The following AGBL5 variants were observed in gnomAD, a reference collection of about 807,000 sequenced individuals.
AGBL5 encodes the protein cytosolic carboxypeptidase-like protein 5.
A neutral mutation model predicts 88.0 loss-of-function variants in AGBL5; 51 were observed. The observed-to-expected ratio is 0.58, with a 90% confidence interval of 0.46 to 0.73. The LOEUF is 0.73. Among genes scored for constraint, AGBL5 ranks in the 30% least tolerant of loss-of-function variants. AGBL5 has a pLI of 0.00. For missense variants in AGBL5, 1,031 were observed against 1,162.2 expected (o/e 0.89, Z 1.64); for synonymous variants, 446 against 438.8 (o/e 1.02, Z -0.21).
Position 27,056,755 on chromosome 2 carries a change from C to T in AGBL5, c.1498C>T (p.Arg500Cys), listed in dbSNP as rs1299838441. The change falls in exon 8 of 15, where the codon CGT becomes TGT. Residue 500 changes from arginine (R) to cysteine (C), a missense_variant. Coordinates refer to ENST00000360131, the MANE Select transcript of AGBL5 (RefSeq NM_021831.6). ...TGGCCAGTCTAAAGAGGGAAGCGGCCGTGTTGCAATCTACAAAGCCTCAGG... is the reference window on the plus strand; with the variant it reads ...TGGCCAGTCTAAAGAGGGAAGCGGCTGTGTTGCAATCTACAAAGCCTCAGG... ...RDGQSKEGSG[R>C]VAIYKASGII... 2 of 1,612,868 alleles carry T rather than the reference C, an allele frequency of 1.2e-6. No individual in the cohort carries two copies. The highest frequency in any genetic ancestry group is 1.7e-6 in the Non-Finnish European group (2 of 1,179,210).
At chr2:27,069,963 G>A in intron 14 of AGBL5, 129 bp from the exon 15 acceptor site, 4 of 1,513,006 alleles carry the variant, frequency 2.6e-6, no homozygotes, top group Non-Finnish European at 2.7e-6. Flanking sequence ...CCACTGTGCA[G>A]TAACCAACTT....
Position 27,055,066 on chromosome 2 carries a change from C to T in AGBL5, c.730-9C>T. 1 of 1,613,142 alleles carries T rather than the reference C, an allele frequency of 6.2e-7. No individual in the cohort carries two copies. Among genetic ancestry groups the T allele is most frequent in the South Asian group, 1.1e-5 (1 of 91,046 alleles). On this transcript the variant is annotated splice_polypyrimidine_tract_variant and intron_variant, in intron 5 of 14. Coordinates refer to ENST00000360131, the MANE Select transcript of AGBL5 (RefSeq NM_021831.6). ...ACTGACTTAATGTCTGCTCTCCTCT[C>T]TACCTCAGATATTCTTCTTAAGCAG...
In AGBL5 at chr2:27,056,103, A is replaced by G. The variant is rs1340046575; in HGVS notation, c.1330A>G (p.Met444Val). The part of the protein sequence containing the change: ...HGHASKRGCF[M>V]YGNSFSDEST... ...ACATGCTTCCAAAAGGGGCTGCTTCATGTACGGAAACAGCTTTAGTGATGA... is the reference window on the plus strand; with the variant it reads ...ACATGCTTCCAAAAGGGGCTGCTTCGTGTACGGAAACAGCTTTAGTGATGA... Residue 444 changes from methionine (M) to valine (V), a missense_variant, in exon 7 of 15, where the codon ATG (methionine) becomes GTG (valine). Coordinates refer to ENST00000360131, the MANE Select transcript of AGBL5 (RefSeq NM_021831.6). 3 of 1,613,818 alleles carry G rather than the reference A, an allele frequency of 1.9e-6. No homozygotes were observed. Among genetic ancestry groups the G allele is most frequent in the Middle Eastern group, 1.6e-4 (1 of 6,062 alleles).
Position 27,068,700 on chromosome 2 carries a change from C to T in AGBL5, c.2311C>T (p.Leu771=), listed in dbSNP as rs1406893687. The T allele has an allele frequency of 1.1e-5, 18 of 1,614,160 alleles. No homozygotes were observed. Among genetic ancestry groups the T allele is most frequent in the Non-Finnish European group, 1.5e-5 (18 of 1,180,030 alleles). The change falls in exon 13 of 15, where the codon CTA becomes TTA. Residue 771 remains leucine, a synonymous_variant. Transcript: ENST00000360131. ...TGTCATGGTAATCGGGAAAGGTCTG[C>T]TAGGGACTGGAGCTCGGATGCCCTG... ...EAVMVIGKGL[L]GTGARMPCIK... is the part of the protein sequence containing the mutation.
chr2:27,066,136 G>A lies in AGBL5; in HGVS notation c.2090-1358G>A, dbSNP rs571350170. 7.6e-4 allele frequency among the ~76,000 whole-genome samples: 113 copies of A among 149,560 alleles called. 1 individual carries two copies. The highest frequency in any genetic ancestry group is 7.0e-3 in the Middle Eastern group (2 of 286). ...TAGCTGGGCTTGGTGGCGTGTGCCT[G>A]TTGTCCCAGCTACTTGGGATGCAGG... On this transcript the variant is annotated intron_variant, in intron 11 of 14. Transcript: ENST00000360131.
At chr2:27,062,677 C>G (rs1668772586) in intron 11 of AGBL5, 1 of 152,178 alleles carries the variant, frequency 6.6e-6, no homozygotes, top group African/African-American at 2.4e-5. Flanking sequence ...GTTTGGGGAA[C>G]TACTGTGGTG....
At chr2:27,067,921 A>G (rs894612818) in intron 12 of AGBL5, 3 of 492,406 alleles carry the variant, frequency 6.1e-6, no homozygotes, top group Non-Finnish European at 1.1e-5. Context: ...ACTTTTGTCT[A>G]CCTGCAAAAT....
intron 13 of AGBL5, chr2:27,069,075 AG>A (rs1307202458): frequency 1.0e-5 from 14 of 1,354,810 alleles, no homozygotes; most frequent in Admixed American, 2.2e-5. Flanking sequence ...TTCCGCCAGG[AG>A]GGGTCCCGGA....
At position 27,069,663 on chromosome 2, in the gene AGBL5, G is replaced by T; in HGVS notation, c.2446G>T (p.Glu816Ter). The change falls in exon 14 of 15, where the codon GAG (glutamate) becomes TAG (stop). Residue 816 changes from glutamate to a stop codon, truncating the protein, a stop_gained. Transcript: ENST00000360131. LOFTEE classifies it high-confidence loss of function. ...CACATCCCCTACCCCCCGGACCAGG[G>T]AGAGCAGTGAGCTGGAGCTGGGATC... ...GPTSPTPRTR[E>*]SSELELGSCS... is the part of the protein sequence containing the mutation. The T allele has an allele frequency of 6.2e-7, 1 of 1,614,138 alleles. No homozygotes were observed. The highest frequency in any genetic ancestry group is 8.5e-7 in the Non-Finnish European group (1 of 1,179,974).
At chr2:27,066,503 G>A (rs974989236) in intron 11 of AGBL5, among the ~76,000 whole-genome samples, 1 of 152,156 alleles carries the variant, frequency 6.6e-6, no homozygotes, top group Non-Finnish European at 1.5e-5. Context: ...GAGTTTAAGA[G>A]TAAGTAGAGC....
intron 13 of AGBL5, 188 bp downstream of exon 13, chr2:27,068,932 A>G (rs1187274142): frequency 6.7e-7 from 1 of 1,496,814 alleles, no homozygotes; most frequent in East Asian, 2.5e-5. Flanking sequence ...CATCCCCATC[A>G]GCCAGGTCAT....
At position 27,068,751 on chromosome 2, in the gene AGBL5, T is replaced by G; in HGVS notation, c.2355+7T>G. ...CATCAAGACTCGATTGCAGGTAATA[T>G]TTTTGGGTCTCCAGCATAGCTACTC... On this transcript the variant is annotated splice_region_variant and intron_variant, in intron 13 of 14. Coordinates refer to ENST00000360131, the MANE Select transcript of AGBL5 (RefSeq NM_021831.6). 1 of 1,613,620 alleles carries G rather than the reference T, an allele frequency of 6.2e-7. No individual in the cohort carries two copies. Among genetic ancestry groups the G allele is most frequent in the Non-Finnish European group, 8.5e-7 (1 of 1,179,836 alleles).
In AGBL5 at chr2:27,070,093, C is replaced by G; in HGVS notation, c.2491C>G (p.Leu831Val). 1 of 1,609,734 alleles carries G rather than the reference C, an allele frequency of 6.2e-7. No homozygotes were observed. The highest frequency in any genetic ancestry group is 8.5e-7 in the Non-Finnish European group (1 of 1,176,622). The change falls in exon 15 of 15, where the codon CTG becomes GTG. Residue 831 changes from leucine to valine, a missense_variant and splice_region_variant. Transcript: ENST00000360131. ...ELGSCSATPG[L>V]PQARPPRPRS... ...ATTCCTCTCTCTTTTCTGTTGCAGG[C>G]TGCCTCAGGCCAGGCCCCCACGGCC...
chr2:27,057,384 C>T lies in AGBL5; in HGVS notation c.1617C>T (p.Ser539=). ...PAACHDNGRA[S]PPPPPAFPSR... ...CCTGCCATGACAATGGGCGTGCCAG[C>T]CCCCCTCCCCCGCCGGCTTTCCCCT... The change falls in exon 9 of 15, where the codon AGC becomes AGT. Residue 539 remains serine, a synonymous_variant. Transcript: ENST00000360131. 7.4e-6 allele frequency: 12 copies of T among 1,613,910 alleles called. No individual in the cohort carries two copies. Among genetic ancestry groups the T allele is most frequent in the Non-Finnish European group, 5.1e-6 (6 of 1,179,896 alleles).
intron 10 of AGBL5, 144 bp downstream of exon 10, chr2:27,058,746 G>C: frequency 1.1e-6 from 1 of 901,368 alleles, no homozygotes; most frequent in Non-Finnish European, 1.7e-6. Flanking sequence ...AAATTAGTCA[G>C]ATTAGTTTAT....
rs1669116163 is a variant in AGBL5, at chr2:27,068,698, T to G, written c.2309T>G (p.Leu770Arg). Residue 770 changes from leucine to arginine, a missense_variant, in exon 13 of 15, where the codon CTG (leucine) becomes CGG (arginine). Leu to Arg is a moderately radical substitution (Grantham distance 102, BLOSUM62 -2). Coordinates refer to ENST00000360131, the MANE Select transcript of AGBL5 (RefSeq NM_021831.6). ...PEAVMVIGKG[L>R]LGTGARMPCI... ...GCTGTCATGGTAATCGGGAAAGGTC[T>G]GCTAGGGACTGGAGCTCGGATGCCC... The G allele has an allele frequency of 6.2e-7, 1 of 1,614,168 alleles. No individual in the cohort carries two copies. Among genetic ancestry groups the G allele is most frequent in the African/African-American group, 1.3e-5 (1 of 75,036 alleles).
In AGBL5 at chr2:27,055,685, A is replaced by T. The variant is rs1323906120; in HGVS notation, c.912A>T (p.Thr304=). The T allele has an allele frequency of 6.2e-7, 1 of 1,611,458 alleles. No individual in the cohort carries two copies. Among genetic ancestry groups the T allele is most frequent in the Non-Finnish European group, 8.5e-7 (1 of 1,178,160 alleles). The change falls in exon 7 of 15, where the codon ACA becomes ACT. Residue 304 remains threonine, a synonymous_variant. Coordinates refer to ENST00000360131, the MANE Select transcript of AGBL5 (RefSeq NM_021831.6). ...PDGVVRGHYR[T]DSRGVNLNRQ... is the part of the protein sequence containing the mutation. ...TTCAGTCCTTGTTTTCCTACAGCACAGACTCACGTGGAGTGAATCTGAACC... is the reference window on the plus strand; with the variant it reads ...TTCAGTCCTTGTTTTCCTACAGCACTGACTCACGTGGAGTGAATCTGAACC...
chr2:27,063,363 C>T (rs538099046), intron 11 of AGBL5, among the ~76,000 whole-genome samples: 8 of 126,624 alleles, frequency 6.3e-5, no homozygotes, highest in Non-Finnish European at 1.3e-4. Flanking sequence ...GAGGCCGAGG[C>T]GGGCAGATCA....
At chr2:27,059,585 G>A in intron 11 of AGBL5, 181 bp downstream of exon 11, 2 of 1,420,460 alleles carry the variant, frequency 1.4e-6, no homozygotes, top group Non-Finnish European at 1.9e-6. Context: ...TGATTCCAGA[G>A]CGGTATTGTG....
Sources: gnomAD v4.1 joint callset for allele counts (sites outside exome capture counted in the v4.1 genomes callset) on GRCh38, gnomAD v4.1.1 for gene constraint, MANE v1.5 for transcripts, NCBI Gene and HGNC (gene_info 2026-07-23, HGNC 2026-07-21) for gene names.